Variants in TACC1 observed in about 807,000 individuals in gnomAD.
The protein encoded by TACC1 is transforming acidic coiled-coil containing protein 1.
A neutral mutation model predicts 84.4 loss-of-function variants in TACC1; 48 were observed. The observed-to-expected ratio is 0.57, with a 90% CI of 0.45 to 0.72. The LOEUF (loss-of-function observed/expected upper bound fraction) is 0.72, where lower values mean the gene tolerates loss of function less well. Ranked by LOEUF, TACC1 falls within the 30% of genes least tolerant of loss-of-function variation. The pLI is 0.00. For missense variants in TACC1, 920 were observed against 973.0 expected, an observed-to-expected ratio of 0.95 and a Z score of 0.72; for synonymous variants, 372 against 376.3, an observed-to-expected ratio of 0.99 and a Z score of 0.13.
intron 2 of TACC1, among the ~76,000 whole-genome samples, chr8:38,744,335 C>T (rs1369685920): frequency 2.0e-5 from 3 of 152,048 alleles, no homozygotes; most frequent in Admixed American, 6.6e-5. Flanking sequence ...AGGCTGGTTT[C>T]GAACTCCTGA....
chr8:38,797,096 C>T (rs1415338821), intron 2 of TACC1, among the ~76,000 whole-genome samples: 1 of 152,260 alleles, frequency 6.6e-6, no homozygotes, highest in African/African-American at 2.4e-5. Flanking sequence ...GCAGTCCTCA[C>T]CATGTGGACC....
upstream of TACC1, chr8:38,787,141 C>T (rs1251154757): frequency 2.0e-6 from 2 of 983,990 alleles, no homozygotes; most frequent in Non-Finnish European, 2.4e-6. Flanking sequence ...CGCCGCCGCC[C>T]CCGCGCGCGC....
intron 1 of TACC1, among the ~76,000 whole-genome samples, chr8:38,741,465 G>C (rs1563751442): frequency 6.6e-6 from 1 of 152,144 alleles, no homozygotes; most frequent in Non-Finnish European, 1.5e-5. Flanking sequence ...GGCCCATGCT[G>C]TTATTTTTAC....
chr8:38,845,451 AT>A (rs1458557316), intron 11 of TACC1, among the ~76,000 whole-genome samples: 1 of 152,168 alleles, frequency 6.6e-6, no homozygotes, highest in Non-Finnish European at 1.5e-5. Flanking sequence ...AAATACTATG[AT>A]TTTGAACTAT....
At chr8:38,743,917 G>A (rs1399016939) in intron 2 of TACC1, 1 of 152,236 alleles carries the variant, frequency 6.6e-6, no homozygotes, top group African/African-American at 2.4e-5. Context: ...AATTCTGGGT[G>A]GGCAAGATAG....
chr8:38,813,733 C>A (rs1378412892), intron 2 of TACC1, among the ~76,000 whole-genome samples: 1 of 152,120 alleles, frequency 6.6e-6, no homozygotes, highest in Non-Finnish European at 1.5e-5. Flanking sequence ...GTTGTAATGC[C>A]CATCCTTTCA....
At chr8:38,845,395 C>T (rs938339603) in intron 11 of TACC1, among the ~76,000 whole-genome samples, 8 of 152,106 alleles carry the variant, frequency 5.3e-5, no homozygotes, top group East Asian at 1.9e-4. Context: ...ATATATTATA[C>T]GTAGGTTTAT....
upstream of TACC1, chr8:38,786,062 TGCAA>T (rs1378878211): frequency 2.6e-5 from 4 of 152,226 alleles, no homozygotes; most frequent in African/African-American, 9.7e-5. Context: ...GTTAGTCTCT[TGCAA>T]GTTTCAACGT....
rs145593207 is a variant in TACC1, at chr8:38,836,232, G to A, written c.1784G>A (p.Gly595Glu). The change falls in exon 7 of 13, where the codon GGG (glycine) becomes GAG (glutamate). Residue 595 changes from glycine (G) to glutamate (E), a missense_variant. Gly to Glu is a moderately conservative substitution (Grantham distance 98). Coordinates refer to ENST00000317827, the MANE Select transcript of TACC1 (RefSeq NM_006283.3). ...TGTGGAGGTGAGAGCCCCCTGGATGGGATCTGCCTCAGCGAATCAGACAAG... is the reference window on the plus strand; with the variant it reads ...TGTGGAGGTGAGAGCCCCCTGGATGAGATCTGCCTCAGCGAATCAGACAAG... ...VSCGGESPLD[G>E]ICLSESDKTA... The A allele has an allele frequency of 1.8e-4, 295 of 1,613,018 alleles. 3 individuals are homozygous for A. Among genetic ancestry groups the A allele is most frequent in the Non-Finnish European group, 2.4e-4 (278 of 1,179,858 alleles).
At chr8:38,814,219 A>G (rs115559012) in intron 2 of TACC1, among the ~76,000 whole-genome samples, 4,604 of 152,310 alleles carry the variant, frequency 0.03, 221 homozygotes, top group African/African-American at 0.1. Context: ...TTGGACATCA[A>G]CAGCTTAAAT....
intron 3 of TACC1, among the ~76,000 whole-genome samples, chr8:38,747,631 C>T (rs528785637): frequency 5.3e-5 from 8 of 152,174 alleles, no homozygotes; most frequent in Non-Finnish European, 7.4e-5. Flanking sequence ...TCAAACTATA[C>T]GACATTCTGG....
intron 10 of TACC1, 134 bp downstream of exon 10, chr8:38,842,581 T>G (rs1831478244): frequency 9.9e-7 from 1 of 1,006,506 alleles, no homozygotes; most frequent in Admixed American, 3.0e-5. Flanking sequence ...TGGCCTTGTA[T>G]CCTCTATTCC....
rs1272627482 is a variant in TACC1 at position 38,849,063 on chromosome 8, A to T, written c.*1040A>T. ...CTTAATTAAAAGGTAATTGTAGCAC[A>T]TTACCAATTATAAGGTGAAGAAATG... On this transcript the variant is annotated 3_prime_UTR_variant, in exon 13 of 13. Coordinates refer to ENST00000317827, the MANE Select transcript of TACC1 (RefSeq NM_006283.3). 6.6e-6 allele frequency: 1 copy of T among 152,082 alleles called. No homozygotes were observed. The highest frequency in any genetic ancestry group is 1.5e-5 in the Non-Finnish European group (1 of 68,014). 9.4% of individuals were successfully genotyped at this position (152,082 alleles called of 1,614,324 possible). A position where few individuals can be genotyped will look rare whatever the true frequency, so the allele number is the denominator to read the frequency against.
upstream of TACC1, among the ~76,000 whole-genome samples, chr8:38,787,039 G>C (rs1454682128): frequency 9.9e-5 from 15 of 151,686 alleles, no homozygotes; most frequent in Admixed American, 8.5e-4. Context: ...CCGCGCAGCC[G>C]GCAAGCCCCG....
In TACC1 at chr8:38,838,458, A is replaced by G. The variant is rs761131783; in HGVS notation, c.1840-12A>G. The G allele has an allele frequency of 6.2e-7, 1 of 1,602,100 alleles. No homozygotes were observed. Among genetic ancestry groups the G allele is most frequent in the South Asian group, 1.1e-5 (1 of 90,750 alleles). ...AATAGATTGGGTAAAACTAAGCTTT[A>G]TTGTACTCTAGATAATTACTAAAGA... On this transcript the variant is annotated splice_polypyrimidine_tract_variant and intron_variant, in intron 7 of 12. Coordinates refer to ENST00000317827, the MANE Select transcript of TACC1 (RefSeq NM_006283.3).
chr8:38,799,165 C>A (rs1820736850), intron 2 of TACC1, among the ~76,000 whole-genome samples: 1 of 152,142 alleles, frequency 6.6e-6, no homozygotes, highest in Non-Finnish European at 1.5e-5. Flanking sequence ...GAGGGCAAGA[C>A]CAAGGCACGG....
chr8:38,772,001 C>G (rs1221639853), intron 3 of TACC1, among the ~76,000 whole-genome samples: 1 of 151,026 alleles, frequency 6.6e-6, no homozygotes, highest in Non-Finnish European at 1.5e-5. Flanking sequence ...AAGACTTAAA[C>G]ACTCCATATA....
intron 2 of TACC1, among the ~76,000 whole-genome samples, chr8:38,812,362 T>A (rs1824398229): frequency 6.6e-6 from 1 of 152,232 alleles, no homozygotes; most frequent in Middle Eastern, 3.4e-3. Flanking sequence ...TCAGGGGACA[T>A]CATGGACCTA....
At chr8:38,792,371 G>A (rs1301159825) in intron 2 of TACC1, among the ~76,000 whole-genome samples, 1 of 152,214 alleles carries the variant, frequency 6.6e-6, no homozygotes, top group African/African-American at 2.4e-5. Flanking sequence ...ATAGCTTACT[G>A]CAGCCTCCAA....
Sources: allele counts gnomAD v4.1 joint callset (sites outside exome capture counted in the v4.1 genomes callset), GRCh38; gene constraint gnomAD v4.1.1; transcripts MANE v1.5; gene names NCBI Gene and HGNC (gene_info 2026-07-23, HGNC 2026-07-21).